Variants in CASTOR2 observed in about 807,000 individuals in gnomAD.
CASTOR2 encodes cytosolic arginine sensor for mTORC1 subunit 2, also known as GATS protein like 2.
A neutral mutation model predicts 31.2 loss-of-function variants in CASTOR2; 8 were observed. That is an observed-to-expected ratio of 0.26 (90% CI 0.15 to 0.46). CASTOR2 has a LOEUF of 0.46. Among genes scored for constraint, CASTOR2 ranks in the 20% least tolerant of loss-of-function variants. CASTOR2 has a pLI of 0.99. For synonymous variants in CASTOR2, 162 were observed against 158.7 expected, an observed-to-expected ratio of 1.02 and a Z score of -0.16; for missense variants, 216 against 382.1, an observed-to-expected ratio of 0.57 and a Z score of 3.62.
intron 1 of CASTOR2, among the ~76,000 whole-genome samples, chr7:74,991,857 C>T (rs1250430607): frequency 1.3e-5 from 2 of 151,996 alleles, no homozygotes; most frequent in African/African-American, 2.4e-5. Flanking sequence ...TCCTGGGGCC[C>T]TTGGTATTAT....
intron 1 of CASTOR2, among the ~76,000 whole-genome samples, chr7:74,996,982 C>A (rs1386417208): frequency 6.6e-6 from 1 of 150,614 alleles, no homozygotes; most frequent in East Asian, 2.0e-4. Context: ...TGAACCACCC[C>A]CCTCGGCCTC....
chr7:75,027,729 A>G lies in CASTOR2; in HGVS notation c.*3030A>G. 1 of 425,466 alleles carries G rather than the reference A, an allele frequency of 2.4e-6. No homozygotes were observed. Among genetic ancestry groups the G allele is most frequent in the South Asian group, 2.3e-5 (1 of 44,334 alleles). 26.4% of individuals were successfully genotyped at this position (425,466 alleles called of 1,614,324 possible). ...CCTGGGGACCCTGCTCCTCGGTCAC[A>G]GGGGGCCCCTTTAGTTTTCCCATCC... On this transcript the variant is annotated 3_prime_UTR_variant, in exon 9 of 9. Coordinates refer to ENST00000616305, the MANE Select transcript of CASTOR2 (RefSeq NM_001145064.3).
chr7:75,014,451 G>T (rs1360110508), intron 2 of CASTOR2, among the ~76,000 whole-genome samples: 1 of 149,732 alleles, frequency 6.7e-6, no homozygotes, highest in Non-Finnish European at 1.5e-5. Flanking sequence ...GTAGAGCCAG[G>T]CATGGTAGTA....
chr7:75,003,923 C>G (rs1449133404), intron 1 of CASTOR2, among the ~76,000 whole-genome samples: 1 of 152,140 alleles, frequency 6.6e-6, no homozygotes, highest in East Asian at 1.9e-4. Context: ...TAGCTCAGCC[C>G]CTGGGGACAG....
rs1805219604 is a variant in CASTOR2 at position 75,028,916 on chromosome 7, CCT to C, written c.*4221_*4222del. 6.6e-6 allele frequency among the ~76,000 whole-genome samples: 1 copy of C among 152,322 alleles called. No individual in the cohort carries two copies. Among genetic ancestry groups the C allele is most frequent in the African/African-American group, 2.4e-5 (1 of 41,576 alleles). On this transcript the variant is annotated 3_prime_UTR_variant, in exon 9 of 9. Transcript: ENST00000616305. ...CTCCAAACCACTGGCATTCTCACCTCCTCTCACCTCCAGGCACCAGGCTGCTG... is the reference window on the plus strand; with the variant it reads ...CTCCAAACCACTGGCATTCTCACCTCCTCACCTCCAGGCACCAGGCTGCTG...
chr7:75,024,375 G>A (rs1016704629), intron 7 of CASTOR2, 65 bp from the exon 8 acceptor site: 20 of 1,503,922 alleles, frequency 1.3e-5, no homozygotes, highest in Middle Eastern at 1.7e-4. Context: ...GGTAGAGGCT[G>A]AAGAGCCACA....
At chr7:74,978,067 T>G (rs1243965798) in intron 1 of CASTOR2, among the ~76,000 whole-genome samples, 1 of 150,304 alleles carries the variant, frequency 6.7e-6, no homozygotes, top group African/African-American at 2.4e-5. Context: ...GAGCTAGATC[T>G]CTGCTTAAAA....
intron 1 of CASTOR2, among the ~76,000 whole-genome samples, chr7:74,998,645 C>G (rs1804415966): frequency 6.7e-6 from 1 of 149,772 alleles, no homozygotes; most frequent in Non-Finnish European, 1.5e-5. Flanking sequence ...TGATTAATCT[C>G]AGTACTATGA....
Position 75,022,740 on chromosome 7 carries a change from G to A in CASTOR2, c.829+784G>A, listed in dbSNP as rs982769320. On this transcript the variant is annotated intron_variant, in intron 7 of 8. Coordinates refer to ENST00000616305, the MANE Select transcript of CASTOR2 (RefSeq NM_001145064.3). ...CTTGAACCCAGGAAGCAGAGGTTGC[G>A]ATGAGCCAAGATCGCTCCATTGCAC... is the stretch of plus-strand genomic sequence containing the variant. Among the ~76,000 whole-genome samples the A allele has an allele frequency of 2.0e-5, 3 of 152,250 alleles. No individual in the cohort carries two copies. In the South Asian group the frequency reaches 6.2e-4, roughly 32 times the overall value.
chr7:75,017,942 A>G, intron 3 of CASTOR2, 48 bp from the exon 4 acceptor site: 3 of 1,613,986 alleles, frequency 1.9e-6, no homozygotes, highest in Non-Finnish European at 2.5e-6. Context: ...CCAGACCCAC[A>G]TCCCCCAGGG....
chr7:75,027,065 G>C lies in CASTOR2; in HGVS notation c.*2366G>C, dbSNP rs1381405550. 1 of 152,244 alleles carries C rather than the reference G, an allele frequency of 6.6e-6. No individual in the cohort carries two copies. 9.4% of individuals were successfully genotyped at this position (152,244 alleles called of 1,614,324 possible). ...ACAGCCCCCCGCTGTGTGTGCACACGTGTATGGGCGTGATGGCCTCCACCC... is the reference window on the plus strand; with the variant it reads ...ACAGCCCCCCGCTGTGTGTGCACACCTGTATGGGCGTGATGGCCTCCACCC... On this transcript the variant is annotated 3_prime_UTR_variant, in exon 9 of 9. Coordinates refer to ENST00000616305, the MANE Select transcript of CASTOR2 (RefSeq NM_001145064.3).
At chr7:74,984,173 G>A (rs1168020842) in intron 1 of CASTOR2, among the ~76,000 whole-genome samples, 3 of 149,058 alleles carry the variant, frequency 2.0e-5, no homozygotes, top group Admixed American at 1.3e-4. Context: ...CAGACTTTGC[G>A]TTCAGTAGGC....
chr7:75,031,165 C>T lies in CASTOR2; in HGVS notation c.*6466C>T, dbSNP rs1805290079. On this transcript the variant is annotated 3_prime_UTR_variant, in exon 9 of 9. Transcript: ENST00000616305. ...TCTATGCCAAAATCATTTCCGTTAT[C>T]CTGAGATGGGGGTGAGTGGATGGAT... Among the ~76,000 whole-genome samples the T allele has an allele frequency of 6.6e-6, 1 of 152,142 alleles. No individual in the cohort carries two copies. Among genetic ancestry groups the T allele is most frequent in the Non-Finnish European group, 1.5e-5 (1 of 68,014 alleles).
At position 75,024,639 on chromosome 7, in the gene CASTOR2, C is replaced by T. The variant is rs887921572; in HGVS notation, c.930C>T (p.Pro310=). ...STFKFDHALV[P]EENINGVISA... is the part of the protein sequence containing the mutation. Reference sequence around the variant, plus strand: ...CCTCCTCTACCCCTGCACAGGTCCCCGAAGAGAACATCAATGGTGTCATCA... The same window carrying T: ...CCTCCTCTACCCCTGCACAGGTCCCTGAAGAGAACATCAATGGTGTCATCA... The change falls in exon 9 of 9, where the codon CCC becomes CCT. Residue 310 remains proline (P), a synonymous_variant. Transcript: ENST00000616305. The T allele has an allele frequency of 9.9e-4, 1,542 of 1,551,548 alleles. 4 individuals are homozygous for T. Among genetic ancestry groups the T allele is most frequent in the Admixed American group, 1.8e-3 (92 of 51,000 alleles).
intron 2 of CASTOR2, among the ~76,000 whole-genome samples, chr7:75,011,018 A>C (rs1804731061): frequency 6.6e-6 from 1 of 151,922 alleles, no homozygotes; most frequent in Non-Finnish European, 1.5e-5. Flanking sequence ...ATGCCCGGCT[A>C]ATTTTTTTGT....
chr7:75,001,077 CTT>C (rs1804484155), intron 1 of CASTOR2, among the ~76,000 whole-genome samples: 1 of 151,862 alleles, frequency 6.6e-6, no homozygotes, highest in Admixed American at 6.6e-5. Flanking sequence ...AAGCCTGCAT[CTT>C]TTATTTTATT....
At chr7:74,981,789 C>A (rs1339332808) in intron 1 of CASTOR2, among the ~76,000 whole-genome samples, 2 of 147,212 alleles carry the variant, frequency 1.4e-5, no homozygotes, top group Admixed American at 6.8e-5. Flanking sequence ...AATCAAGGCC[C>A]GGTGCGGTGG....
At chr7:75,019,120 G>T (rs1418570095) in intron 5 of CASTOR2, 25 bp downstream of exon 5, 12 of 1,551,802 alleles carry the variant, frequency 7.7e-6, no homozygotes, top group Non-Finnish European at 1.0e-5. Flanking sequence ...GGCATGAGGG[G>T]TTGCAGGGTG....
At chr7:75,011,125 G>A (rs1204431440) in intron 2 of CASTOR2, among the ~76,000 whole-genome samples, 1 of 151,910 alleles carries the variant, frequency 6.6e-6, no homozygotes, top group Admixed American at 6.6e-5. Flanking sequence ...CTCCCAAAGT[G>A]CTGCCAAAAT....
Sources: allele counts gnomAD v4.1 joint callset (sites outside exome capture counted in the v4.1 genomes callset), GRCh38; gene constraint gnomAD v4.1.1; transcripts MANE v1.5; gene names NCBI Gene and HGNC (gene_info 2026-07-23, HGNC 2026-07-21).